PTPRF: variants seen among roughly 807,000 people sequenced by gnomAD.
PTPRF encodes protein tyrosine phosphatase receptor type F.
PTPRF carries 59 observed loss-of-function variants against 201.8 expected under a neutral mutation model. The ratio of observed to expected loss-of-function variants is 0.29; its 90% CI spans 0.24 to 0.36. The LOEUF (loss-of-function observed/expected upper bound fraction) is 0.36, where lower values mean the gene tolerates loss of function less well. Among genes scored for constraint, PTPRF ranks in the 10% least tolerant of loss-of-function variants. PTPRF has a pLI of 1.00. For missense variants in PTPRF, 2,132 were observed against 2,690.5 expected (o/e 0.79, Z 4.59); for synonymous variants, 1,088 against 1,089.7 (o/e 1.00, Z 0.03).
chr1:43,569,517 G>A, intron 5 of PTPRF, 73 bp from the exon 6 acceptor site: 3 of 1,461,968 alleles, frequency 2.1e-6, no homozygotes, highest in Non-Finnish European at 2.8e-6. Flanking sequence ...TGCAGTTGGG[G>A]AGGTTACCCC....
chr1:43,579,163 G>T (rs1647142934), intron 7 of PTPRF: 1 of 687,704 alleles, frequency 1.5e-6, no homozygotes, highest in African/African-American at 1.8e-5. Flanking sequence ...GGGAGCATTT[G>T]TATCTTTTGT....
intron 5 of PTPRF, among the ~76,000 whole-genome samples, chr1:43,564,123 A>G (rs1249570791): frequency 6.6e-6 from 1 of 152,222 alleles, no homozygotes; most frequent in African/African-American, 2.4e-5. Context: ...TTGGAAAAAC[A>G]GCTGAAAATC....
intron 31 of PTPRF, 65 bp from the exon 32 acceptor site, chr1:43,620,773 C>A: frequency 6.4e-7 from 1 of 1,569,148 alleles, no homozygotes; most frequent in South Asian, 1.2e-5. Context: ...CTACCCTGGT[C>A]TAGTCCAGAG....
At chr1:43,523,441 T>C (rs567236491), upstream of PTPRF, among the ~76,000 whole-genome samples, 111 of 151,962 alleles carry the variant, frequency 7.3e-4, no homozygotes, top group African/African-American at 2.6e-3. Context: ...GAGCACTTGA[T>C]GGATTGAGTG....
intron 22 of PTPRF, among the ~76,000 whole-genome samples, chr1:43,609,848 C>T (rs1656024286): frequency 6.6e-6 from 1 of 152,222 alleles, no homozygotes; most frequent in South Asian, 2.1e-4. Flanking sequence ...GCTCTGACGC[C>T]TCCACATGAA....
chr1:43,605,771 G>A (rs1654949022), intron 19 of PTPRF, 149 bp downstream of exon 19: 1 of 743,436 alleles, frequency 1.3e-6, no homozygotes, highest in Non-Finnish European at 2.3e-6. Flanking sequence ...TCTCTGGAGA[G>A]AGGGACTCTG....
At chr1:43,605,052 G>C in intron 17 of PTPRF, 52 bp downstream of exon 17, 1 of 1,597,982 alleles carries the variant, frequency 6.3e-7, no homozygotes, top group Non-Finnish European at 8.6e-7. Context: ...GGCCTGCTGG[G>C]TGCTGTCTTT....
At chr1:43,549,729 C>T (rs757669027) in intron 3 of PTPRF, among the ~76,000 whole-genome samples, 1 of 151,970 alleles carries the variant, frequency 6.6e-6, no homozygotes, top group Non-Finnish European at 1.5e-5. Context: ...GTGGTGTGCA[C>T]CTGTGGTCCC....
intron 13 of PTPRF, among the ~76,000 whole-genome samples, chr1:43,601,549 T>G (rs1356217035): frequency 6.6e-6 from 1 of 152,222 alleles, no homozygotes; most frequent in Non-Finnish European, 1.5e-5. Context: ...CTGGGGTGAT[T>G]GTGTAATGTA....
At chr1:43,559,607 A>G (rs536151436) in intron 5 of PTPRF, among the ~76,000 whole-genome samples, 79 of 150,136 alleles carry the variant, frequency 5.3e-4, no homozygotes, top group African/African-American at 1.8e-3. Context: ...TGTGTACAGC[A>G]GGTGGTGTGC....
chr1:43,529,235 C>T (rs1038969615), upstream of PTPRF, among the ~76,000 whole-genome samples: 2 of 152,162 alleles, frequency 1.3e-5, no homozygotes, highest in Admixed American at 6.5e-5. Context: ...ATTTTTGATC[C>T]GTTTGTCATC....
Position 43,605,013 on chromosome 1 carries a change from C to T in PTPRF, c.3135+13C>T, listed in dbSNP as rs1381579821. On this transcript the variant is annotated intron_variant, in intron 17 of 33. Transcript: ENST00000359947. ...TGTGCCCTTTAAGGTGAGTAAGGGC[C>T]ACGGCCAGCTGAGCCTGGCACACAC... 1.2e-6 allele frequency: 2 copies of T among 1,611,592 alleles called. No homozygotes were observed. The highest frequency in any genetic ancestry group is 1.7e-6 in the Non-Finnish European group (2 of 1,178,162).
chr1:43,592,638 G>A, intron 11 of PTPRF, 37 bp downstream of exon 11: 3 of 1,543,224 alleles, frequency 1.9e-6, no homozygotes, highest in Non-Finnish European at 2.6e-6. Flanking sequence ...GTTACACCTG[G>A]GCTGGGACAC....
chr1:43,580,991 C>T (rs1333251822), intron 7 of PTPRF, among the ~76,000 whole-genome samples: 2 of 152,246 alleles, frequency 1.3e-5, no homozygotes, highest in South Asian at 2.1e-4. Context: ...CTTGACTAGG[C>T]AGCATTCTCT....
In PTPRF at chr1:43,534,726, G is replaced by A. The variant is rs540957601; in HGVS notation, c.-125-3472G>A. 1.2e-4 allele frequency among the ~76,000 whole-genome samples: 18 copies of A among 152,210 alleles called. 2 individuals carry two copies. In the South Asian group the frequency reaches 3.1e-3, roughly 26 times the overall value. On this transcript the variant is annotated intron_variant, in intron 1 of 33. Coordinates refer to ENST00000359947, the MANE Select transcript of PTPRF (RefSeq NM_002840.5). The stretch of plus-strand genomic sequence containing the variant: ...AGGGTATGGGAGAGAAATGTCGGTC[G>A]GACCAAGAGAAGCGAGAGCTGTATG...
chr1:43,594,944 G>A (rs1165259159), intron 11 of PTPRF, among the ~76,000 whole-genome samples: 2 of 152,214 alleles, frequency 1.3e-5, no homozygotes, highest in Non-Finnish European at 2.9e-5. Context: ...GTTGGAAGGA[G>A]AGAAAGTTTC....
chr1:43,536,837 C>T (rs766249614), intron 1 of PTPRF, among the ~76,000 whole-genome samples: 4 of 152,042 alleles, frequency 2.6e-5, no homozygotes, highest in Non-Finnish European at 4.4e-5. Context: ...GCCAAGCTGG[C>T]GAGGGCCATC....
intron 23 of PTPRF, among the ~76,000 whole-genome samples, chr1:43,614,671 C>T (rs1009442386): frequency 1.3e-5 from 2 of 152,054 alleles, no homozygotes; most frequent in African/African-American, 2.4e-5. Context: ...GCCACCGTGG[C>T]GAAACTGCAT....
chr1:43,584,178 G>A (rs962612693), intron 7 of PTPRF, among the ~76,000 whole-genome samples: 2 of 152,166 alleles, frequency 1.3e-5, no homozygotes, highest in African/African-American at 4.8e-5. Flanking sequence ...CACATGGTCT[G>A]TGTGGTCAGA....
Sources: gnomAD v4.1 joint callset for allele counts (sites outside exome capture counted in the v4.1 genomes callset) on GRCh38, gnomAD v4.1.1 for gene constraint, MANE v1.5 for transcripts, NCBI Gene and HGNC (gene_info 2026-07-23, HGNC 2026-07-21) for gene names.